The following PCDHGA4 variants were observed in gnomAD, a reference collection of about 807,000 sequenced individuals.
PCDHGA4 encodes the protein protocadherin gamma-A4.
A neutral mutation model predicts 54.6 loss-of-function variants in PCDHGA4; 38 were observed. The observed-to-expected ratio is 0.70, with a 90% CI of 0.54 to 0.91. PCDHGA4 has a LOEUF of 0.91. PCDHGA4 is among the 40% of genes least tolerant of loss of function. The pLI, the probability that PCDHGA4 is intolerant of heterozygous loss-of-function variation, is 0.00. For missense variants in PCDHGA4, 1,298 were observed against 1,220.9 expected (o/e 1.06, Z -0.94); for synonymous variants, 511 against 512.9 (o/e 1.00, Z 0.05).
At position 141,366,659 on chromosome 5, in the gene PCDHGA4, G is replaced by A. The variant is rs757940050; in HGVS notation, c.2514+9038G>A. The A allele has an allele frequency of 1.1e-5, 17 of 1,614,250 alleles. No homozygotes were observed. The Admixed American group carries it at 1.5e-4, about 14-fold the overall frequency. On this transcript the variant is annotated intron_variant, in intron 1 of 3. Coordinates refer to ENST00000571252, the MANE Select transcript of PCDHGA4 (RefSeq NM_018917.4). The stretch of plus-strand genomic sequence containing the variant: ...GATCTTTCCCCAGCCCAACTACGCA[G>A]ACACGCTCCTTAGTGAAGAGAGCTG...
chr5:141,511,361 G>C lies in PCDHGA4; in HGVS notation c.*188G>C, dbSNP rs2099883750. 7.4e-7 allele frequency: 1 copy of C among 1,345,388 alleles called. No individual in the cohort carries two copies. Among genetic ancestry groups the C allele is most frequent in the Non-Finnish European group, 9.9e-7 (1 of 1,006,550 alleles). The allele number at this position is 1,345,388 out of a possible 1,614,324, so 83.3% of individuals were successfully genotyped here. On this transcript the variant is annotated 3_prime_UTR_variant, in exon 4 of 4. Transcript: ENST00000571252. ...CCTACCCCTTCCCCCCCAGGGGGTTGAATATGCAAAAGCAGTTCCGCTGGG... is the reference window on the plus strand; with the variant it reads ...CCTACCCCTTCCCCCCCAGGGGGTTCAATATGCAAAAGCAGTTCCGCTGGG...
intron 1 of PCDHGA4, chr5:141,362,256 G>A (rs775272258): frequency 6.2e-7 from 1 of 1,614,020 alleles, no homozygotes; most frequent in Non-Finnish European, 8.5e-7. Flanking sequence ...TCCTCGCGGT[G>A]ATTCTGGCAA....
At chr5:141,408,882 ACATAGAAATTTCTGTCAAG>A (rs745313321) in intron 1 of PCDHGA4, 50 of 1,613,286 alleles carry the variant, frequency 3.1e-5, no homozygotes, top group Non-Finnish European at 4.1e-5. Context: ...GCCACCGCTC[ACATAGAAATTTCTGTCAAG>A]GATACCAATG....
At chr5:141,360,311 G>C (rs578188210) in intron 1 of PCDHGA4, 5 of 1,613,818 alleles carry the variant, frequency 3.1e-6, no homozygotes, top group Non-Finnish European at 4.2e-6. Context: ...CTCAGCGTCC[G>C]GGACTTGCCA....
chr5:141,372,133 G>T (rs576893125), intron 1 of PCDHGA4: 18 of 1,613,666 alleles, frequency 1.1e-5, no homozygotes, highest in East Asian at 2.2e-5. Flanking sequence ...ATGGTGCCGC[G>T]CTCTGCAGAG....
intron 1 of PCDHGA4, chr5:141,376,312 G>A (rs984837472): frequency 6.2e-7 from 1 of 1,614,060 alleles, no homozygotes; most frequent in African/African-American, 1.3e-5. Flanking sequence ...TTGTGGGCGT[G>A]GAAGGGGTTC....
intron 1 of PCDHGA4, among the ~76,000 whole-genome samples, chr5:141,465,017 C>T (rs1278815002): frequency 6.6e-6 from 1 of 152,132 alleles, no homozygotes; most frequent in Non-Finnish European, 1.5e-5. Context: ...GCTAAGATTA[C>T]AGCCATGAAC....
At position 141,491,052 on chromosome 5, in the gene PCDHGA4, G is replaced by A. The variant is rs2099707642; in HGVS notation, c.2515-3755G>A. ...ATGCTGATGCAGGCCACAATGCGTG[G>A]CTCTCCTACTCACTGTTGCCACAGT... On this transcript the variant is annotated intron_variant, in intron 1 of 3. Transcript: ENST00000571252. The surrounding 1 kb of genome is among the most constrained non-coding windows in gnomAD (Gnocchi z 6.9). 3.1e-6 allele frequency: 5 copies of A among 1,614,038 alleles called. No individual in the cohort carries two copies. The highest frequency in any genetic ancestry group is 4.2e-6 in the Non-Finnish European group (5 of 1,180,032).
Position 141,476,416 on chromosome 5 carries a change from A to G in PCDHGA4, c.2515-18391A>G. On this transcript the variant is annotated intron_variant, in intron 1 of 3. Coordinates refer to ENST00000571252, the MANE Select transcript of PCDHGA4 (RefSeq NM_018917.4). The surrounding 1 kb of genome is among the most constrained non-coding windows in gnomAD (Gnocchi z 7.6). ...TGGATCGAGAGGAGCTGTGTGGGAC[A>G]CTGCCCTCTTGCACTGTAACTCTGG... 1 of 1,614,056 alleles carries G rather than the reference A, an allele frequency of 6.2e-7. No individual in the cohort carries two copies. The highest frequency in any genetic ancestry group is 8.5e-7 in the Non-Finnish European group (1 of 1,179,994).
chr5:141,477,901 C>T lies in PCDHGA4; in HGVS notation c.2515-16906C>T, dbSNP rs2099423750. ...GCCACCTAGTGTCACGGGTGGTAGG[C>T]TGGGACGCGGATGCAGGGCACAATG... On this transcript the variant is annotated intron_variant, in intron 1 of 3. Transcript: ENST00000571252. The surrounding 1 kb of genome is among the most constrained non-coding windows in gnomAD (Gnocchi z 4.9). The T allele has an allele frequency of 1.9e-6, 3 of 1,614,188 alleles. No homozygotes were observed. The highest frequency in any genetic ancestry group is 2.5e-6 in the Non-Finnish European group (3 of 1,180,042).
intron 1 of PCDHGA4, chr5:141,374,529 C>G: frequency 6.2e-7 from 1 of 1,613,042 alleles, no homozygotes; most frequent in East Asian, 2.2e-5. Flanking sequence ...GCAGCTCCAT[C>G]CTCTCGTTTT....
At chr5:141,478,629 T>A in intron 1 of PCDHGA4, 1 of 1,553,688 alleles carries the variant, frequency 6.4e-7, no homozygotes, top group Non-Finnish European at 8.7e-7. Context: ...AGCTGTTTTT[T>A]TAGTGATGAA....
At position 141,494,788 on chromosome 5, in the gene PCDHGA4, C is replaced by T. The variant is rs2099756942; in HGVS notation, c.2515-19C>T. The T allele has an allele frequency of 6.2e-7, 1 of 1,614,116 alleles. No homozygotes were observed. The highest frequency in any genetic ancestry group is 8.5e-7 in the Non-Finnish European group (1 of 1,180,000). On this transcript the variant is annotated intron_variant, in intron 1 of 3. Transcript: ENST00000571252. ...CTTCTCACGGGTACTCAGCCCCTTTCCCTCTGTTTTCTCCACAGCAAGCCC... is the reference window on the plus strand; with the variant it reads ...CTTCTCACGGGTACTCAGCCCCTTTTCCTCTGTTTTCTCCACAGCAAGCCC...
intron 1 of PCDHGA4, chr5:141,421,399 C>T (rs777999539): frequency 1.2e-6 from 2 of 1,613,928 alleles, no homozygotes; most frequent in East Asian, 2.2e-5. Flanking sequence ...GCTGGAGCCC[C>T]GGGAGCTGGC....
In PCDHGA4 at chr5:141,485,219, A is replaced by C. The variant is rs954128321; in HGVS notation, c.2515-9588A>C. 20 of 1,613,930 alleles carry C rather than the reference A, an allele frequency of 1.2e-5. No individual in the cohort carries two copies. The highest frequency in any genetic ancestry group is 1.6e-5 in the Non-Finnish European group (19 of 1,179,944). On this transcript the variant is annotated intron_variant, in intron 1 of 3. Coordinates refer to ENST00000571252, the MANE Select transcript of PCDHGA4 (RefSeq NM_018917.4). The surrounding 1 kb of genome is among the most constrained non-coding windows in gnomAD (Gnocchi z 5.7). The stretch of plus-strand genomic sequence containing the variant: ...CTGGACAGAAATCTGGCGGTGGGCT[A>C]CCCTTTTGTTCCTCTTTTACCACCT...
In PCDHGA4 at chr5:141,356,524, G is replaced by A; in HGVS notation, c.1417G>A (p.Val473Met). 1 of 1,614,098 alleles carries A rather than the reference G, an allele frequency of 6.2e-7. No homozygotes were observed. Among genetic ancestry groups the A allele is most frequent in the South Asian group, 1.1e-5 (1 of 91,078 alleles). Residue 473 changes from valine to methionine, a missense_variant, in exon 1 of 4, where the codon GTG becomes ATG. Transcript: ENST00000571252. The stretch of plus-strand genomic sequence containing the variant: ...TACAGAAACTCATATTTCACTGCAA[G>A]TGATGGACATCAATGACAACCCACC... Reference protein sequence around the residue: ...LSTETHISLQVMDINDNPPTF... With the variant: ...LSTETHISLQMMDINDNPPTF...
At chr5:141,384,745 C>G (rs1304134885) in intron 1 of PCDHGA4, 1 of 1,613,956 alleles carries the variant, frequency 6.2e-7, no homozygotes, top group African/African-American at 1.3e-5. Context: ...CGAGCCAGGA[C>G]TCTTTGCGGT....
chr5:141,477,211 C>G lies in PCDHGA4; in HGVS notation c.2515-17596C>G. 2 of 1,614,154 alleles carry G rather than the reference C, an allele frequency of 1.2e-6. No individual in the cohort carries two copies. Among genetic ancestry groups the G allele is most frequent in the Non-Finnish European group, 1.7e-6 (2 of 1,180,036 alleles). On this transcript the variant is annotated intron_variant, in intron 1 of 3. Transcript: ENST00000571252. The surrounding 1 kb of genome is among the most constrained non-coding windows in gnomAD (Gnocchi z 4.9). ...TGTACAGCCCAGTACCCGAGGATGC[C>G]CCTCTGGGGACTGTCATCGCTTTGC...
chr5:141,497,131 A>G (rs1269110126), intron 2 of PCDHGA4, among the ~76,000 whole-genome samples: 3 of 152,122 alleles, frequency 2.0e-5, no homozygotes, highest in Admixed American at 6.6e-5. Flanking sequence ...GGTTGCAGTG[A>G]GCTGAGATCA....
Sources: allele counts gnomAD v4.1 joint callset (sites outside exome capture counted in the v4.1 genomes callset), GRCh38; gene constraint gnomAD v4.1.1; non-coding constraint Gnocchi (gnomAD v3.1); transcripts MANE v1.5; gene names NCBI Gene and HGNC (gene_info 2026-07-23, HGNC 2026-07-21).